GTF2H3: variants seen among roughly 807,000 people sequenced by gnomAD.
The protein encoded by GTF2H3 is general transcription factor IIH subunit 3.
Under a neutral mutation model 51.1 loss-of-function variants are expected in GTF2H3, and 42 were observed. The observed-to-expected ratio is 0.82, with a 90% CI of 0.64 to 1.06. GTF2H3 has a LOEUF of 1.06. Ranked by LOEUF, GTF2H3 falls within the 50% of genes least tolerant of loss-of-function variation. The probability of loss-of-function intolerance (pLI) is 0.00; values close to 1 mark genes in which losing one functional copy is unlikely to be tolerated. For missense variants in GTF2H3, 326 were observed against 366.1 expected, an observed-to-expected ratio of 0.89 and a Z score of 0.89; for synonymous variants, 123 against 123.8, an observed-to-expected ratio of 0.99 and a Z score of 0.04.
At position 123,645,452 on chromosome 12, in the gene GTF2H3, C is replaced by T; in HGVS notation, c.94-3C>T. Reference sequence around the variant, plus strand: ...TTTTCTAATGTCTTTTTTTTTCCAACAGTTCACTTTATCCAAATGCATAGA... The same window carrying T: ...TTTTCTAATGTCTTTTTTTTTCCAATAGTTCACTTTATCCAAATGCATAGA... On this transcript the variant is annotated splice_region_variant and splice_polypyrimidine_tract_variant and intron_variant, in intron 2 of 12. Coordinates refer to ENST00000543341, the MANE Select transcript of GTF2H3 (RefSeq NM_001516.5). 6 of 1,490,206 alleles carry T rather than the reference C, an allele frequency of 4.0e-6. No homozygotes were observed. The highest frequency in any genetic ancestry group is 5.6e-6 in the Non-Finnish European group (6 of 1,071,322). 92.3% of individuals were successfully genotyped at this position (1,490,206 alleles called of 1,614,324 possible).
chr12:123,636,224 G>T (rs1955281044), intron 1 of GTF2H3, among the ~76,000 whole-genome samples: 1 of 152,188 alleles, frequency 6.6e-6, no homozygotes, highest in Non-Finnish European at 1.5e-5. Flanking sequence ...CCTTTGCTGG[G>T]TGGTTGTCAG....
chr12:123,655,329 G>A (rs1432949778), intron 8 of GTF2H3, among the ~76,000 whole-genome samples: 1 of 152,128 alleles, frequency 6.6e-6, no homozygotes, highest in Non-Finnish European at 1.5e-5. Context: ...TCTTTATCTT[G>A]TTGCTGTGGC....
chr12:123,648,268 T>C lies in GTF2H3; in HGVS notation c.364+142T>C, dbSNP rs1308302222. 1.7e-5 allele frequency: 10 copies of C among 590,002 alleles called. No individual in the cohort carries two copies. The Admixed American group carries it at 3.4e-4, about 20-fold the overall frequency. The allele number at this position is 590,002 out of a possible 1,614,324, so 36.5% of individuals were successfully genotyped here. Reference sequence around the variant, plus strand: ...TAAAAATCATTTTCGTCAAAGTTGGTTCATTATTTGCCTAGCCTCTACAGC... The same window carrying C: ...TAAAAATCATTTTCGTCAAAGTTGGCTCATTATTTGCCTAGCCTCTACAGC... On this transcript the variant is annotated intron_variant, in intron 4 of 12. Transcript: ENST00000543341.
intron 1 of GTF2H3, among the ~76,000 whole-genome samples, chr12:123,637,917 G>T (rs1955308861): frequency 6.6e-6 from 1 of 152,128 alleles, no homozygotes; most frequent in Admixed American, 6.5e-5. Flanking sequence ...TCTACCACTG[G>T]GATTCCTACT....
chr12:123,639,856 T>TC (rs1566223895), intron 2 of GTF2H3: 1 of 416,908 alleles, frequency 2.4e-6, no homozygotes, highest in African/African-American at 2.0e-5. Flanking sequence ...CCTAAGCAGA[T>TC]TGCAGGTTTT....
intron 9 of GTF2H3, among the ~76,000 whole-genome samples, chr12:123,658,252 C>G (rs1187198458): frequency 6.6e-6 from 1 of 151,286 alleles, no homozygotes; most frequent in Admixed American, 6.6e-5. Flanking sequence ...CAGTTTCACT[C>G]TTGTTGCCCA....
intron 2 of GTF2H3, 50 bp from the exon 3 acceptor site, chr12:123,645,405 G>T: frequency 1.0e-6 from 1 of 976,412 alleles, no homozygotes; most frequent in Non-Finnish European, 1.7e-6. Context: ...ACCTGACATG[G>T]TTATTTGGAT....
intron 1 of GTF2H3, 50 bp downstream of exon 1, chr12:123,633,922 G>T: frequency 6.2e-7 from 1 of 1,600,868 alleles, no homozygotes; most frequent in Non-Finnish European, 8.6e-7. Context: ...GGCTGTCTCG[G>T]TCCGGCTACG....
intron 4 of GTF2H3, chr12:123,649,006 C>T (rs780958610): frequency 1.3e-5 from 2 of 149,876 alleles, no homozygotes; most frequent in Non-Finnish European, 2.9e-5. Flanking sequence ...CTCTTGTTGC[C>T]CAGGCTGGAG....
intron 2 of GTF2H3, among the ~76,000 whole-genome samples, chr12:123,642,979 A>G (rs768060053): frequency 6.6e-6 from 1 of 152,018 alleles, no homozygotes; most frequent in Non-Finnish European, 1.5e-5. Context: ...GGTTCAAGCA[A>G]TTCTGCCTCA....
rs1366330071 is a variant in GTF2H3 at position 123,660,252 on chromosome 12, C to A, written c.*17C>A. The A allele has an allele frequency of 6.3e-7, 1 of 1,582,338 alleles. No homozygotes were observed. The highest frequency in any genetic ancestry group is 8.6e-7 in the Non-Finnish European group (1 of 1,159,712). ...TCTGCCTGAGGATAAAATATTTTCC[C>A]CATCTTTTAGAGCTGTTAATAGAAA... is the stretch of plus-strand genomic sequence containing the variant. On this transcript the variant is annotated 3_prime_UTR_variant, in exon 13 of 13. Coordinates refer to ENST00000543341, the MANE Select transcript of GTF2H3 (RefSeq NM_001516.5).
At position 123,653,071 on chromosome 12, in the gene GTF2H3, G is replaced by C. The variant is rs139148481; in HGVS notation, c.486+336G>C. On this transcript the variant is annotated intron_variant, in intron 7 of 12. Transcript: ENST00000543341. ...GATCACACCACTGCACTCTAGCCTG[G>C]GTGACAGAGTGAGACTCCGTCTCAA... is the stretch of plus-strand genomic sequence containing the variant. 2.6e-5 allele frequency among the ~76,000 whole-genome samples: 4 copies of C among 152,034 alleles called. No individual in the cohort carries two copies. In the East Asian group the frequency reaches 7.7e-4, roughly 29 times the overall value.
chr12:123,645,223 A>G (rs1052460203), intron 2 of GTF2H3, among the ~76,000 whole-genome samples: 4 of 152,062 alleles, frequency 2.6e-5, no homozygotes, highest in Non-Finnish European at 5.9e-5. Context: ...GGTGCACACC[A>G]CCATGCCTAG....
At chr12:123,641,328 C>T (rs113386205) in intron 2 of GTF2H3, among the ~76,000 whole-genome samples, 3,347 of 151,278 alleles carry the variant, frequency 0.022, 53 homozygotes, top group African/African-American at 0.041. Flanking sequence ...CCGGTTCAAG[C>T]GATTCTTCTG....
At chr12:123,657,584 C>T (rs1387094621) in intron 9 of GTF2H3, among the ~76,000 whole-genome samples, 5 of 152,224 alleles carry the variant, frequency 3.3e-5, no homozygotes, top group Admixed American at 2.0e-4. Context: ...GTGTTACTCC[C>T]TCTCCCCTTA....
intron 8 of GTF2H3, 180 bp from the exon 9 acceptor site, chr12:123,655,591 A>C (rs1327071469): frequency 2.0e-6 from 1 of 509,924 alleles, no homozygotes; most frequent in Non-Finnish European, 3.5e-6. Context: ...TGGCTCTGTG[A>C]CCACAGCCCA....
chr12:123,657,460 T>C (rs1955601769), intron 9 of GTF2H3, among the ~76,000 whole-genome samples: 1 of 152,210 alleles, frequency 6.6e-6, no homozygotes, highest in African/African-American at 2.4e-5. Flanking sequence ...CTTTCTGTTC[T>C]CTCTGCTCGC....
chr12:123,660,225 T>A lies in GTF2H3; in HGVS notation c.917T>A (p.Val306Glu), dbSNP rs1204905315. ...AAAGCCAAGAAAAAGAAACTGAAAG[T>A]GTCTGCCTGAGGATAAAATATTTTC... Reference protein sequence around the residue: ...VLKAKKKKLKVSA With the variant: ...VLKAKKKKLKESA The change falls in exon 13 of 13, where the codon GTG becomes GAG. Residue 306 changes from valine (V) to glutamate (E), a missense_variant. Transcript: ENST00000543341. 8 of 1,608,382 alleles carry A rather than the reference T, an allele frequency of 5.0e-6. No individual in the cohort carries two copies. Among genetic ancestry groups the A allele is most frequent in the Non-Finnish European group, 5.9e-6 (7 of 1,177,060 alleles).
rs1475504029 is a variant in GTF2H3 at position 123,660,951 on chromosome 12, C to T, written c.*716C>T. On this transcript the variant is annotated 3_prime_UTR_variant, in exon 13 of 13. Coordinates refer to ENST00000543341, the MANE Select transcript of GTF2H3 (RefSeq NM_001516.5). The stretch of plus-strand genomic sequence containing the variant: ...GAGAACTTACTGGAGAAAATGGACT[C>T]TATGTTAAGTATGGTTTTCAGATAG... The T allele has an allele frequency of 6.6e-6, 1 of 151,958 alleles. No homozygotes were observed. Among genetic ancestry groups the T allele is most frequent in the African/African-American group, 2.4e-5 (1 of 41,340 alleles). The allele number at this position is 151,958 out of a possible 1,614,324, so 9.4% of individuals were successfully genotyped here.
Sources: allele counts gnomAD v4.1 joint callset (sites outside exome capture counted in the v4.1 genomes callset), GRCh38; gene constraint gnomAD v4.1.1; transcripts MANE v1.5; gene names NCBI Gene and HGNC (gene_info 2026-07-23, HGNC 2026-07-21).